BLNK: variants seen among roughly 807,000 people sequenced by gnomAD.
The protein encoded by BLNK is B-cell linker protein.
Under a neutral mutation model 73.5 loss-of-function variants are expected in BLNK, and 29 were observed. The observed-to-expected ratio is 0.39, with a 90% CI of 0.29 to 0.54. The LOEUF (loss-of-function observed/expected upper bound fraction) is 0.54. BLNK is among the 20% of genes least tolerant of loss of function. BLNK has a pLI of 0.61. For missense variants in BLNK, 460 were observed against 562.8 expected, an observed-to-expected ratio of 0.82 and a Z score of 1.85; for synonymous variants, 176 against 200.8, an observed-to-expected ratio of 0.88 and a Z score of 1.04.
At chr10:96,217,147 C>T (rs1554900076) in intron 6 of BLNK, among the ~76,000 whole-genome samples, 1 of 152,136 alleles carries the variant, frequency 6.6e-6, no homozygotes, top group Admixed American at 6.5e-5. Context: ...TGTATCACAA[C>T]TCCCGTCTTT....
intron 13 of BLNK, among the ~76,000 whole-genome samples, chr10:96,203,311 G>A (rs2083700576): frequency 6.6e-6 from 1 of 151,738 alleles, no homozygotes; most frequent in Non-Finnish European, 1.5e-5. Flanking sequence ...ACTAGTAAAA[G>A]TTTCATTTAT....
intron 1 of BLNK, among the ~76,000 whole-genome samples, chr10:96,253,970 G>A (rs979024318): frequency 4.6e-5 from 7 of 151,218 alleles, no homozygotes; most frequent in African/African-American, 7.3e-5. Context: ...GCAGTGAGCC[G>A]AGATCGTGCC....
chr10:96,245,338 G>A (rs1554907370), intron 2 of BLNK, among the ~76,000 whole-genome samples: 1 of 152,120 alleles, frequency 6.6e-6, no homozygotes, highest in Non-Finnish European at 1.5e-5. Flanking sequence ...GAAAAATTTG[G>A]TAATAGCAAT....
intron 1 of BLNK, among the ~76,000 whole-genome samples, chr10:96,258,065 T>G (rs559289167): frequency 1.3e-5 from 2 of 152,238 alleles, no homozygotes; most frequent in African/African-American, 2.4e-5. Flanking sequence ...CTTCTCCCCC[T>G]CCACTCTTTC....
chr10:96,246,974 G>A lies in BLNK; in HGVS notation c.113+10C>T, dbSNP rs782600961. The A allele has an allele frequency of 1.0e-5, 16 of 1,575,410 alleles. No homozygotes were observed. The Middle Eastern group carries it at 5.3e-4, about 52-fold the overall frequency. ...TATATAATTAAGTATTTAAATAGAG[G>A]CGAACTTACTTTTTGATTTTATTCA... is the stretch of plus-strand genomic sequence containing the variant. On this transcript the variant is annotated intron_variant, in intron 2 of 16. Coordinates refer to ENST00000224337, the MANE Select transcript of BLNK (RefSeq NM_013314.4).
In BLNK at chr10:96,227,339, C is replaced by T. The variant is rs11188669; in HGVS notation, c.361+71G>A. ...GCAGCAGCCAGGTTTGTCCCCACCCCGCAATCTTGGACACCCCCACCTCCC... is the reference window on the plus strand; with the variant it reads ...GCAGCAGCCAGGTTTGTCCCCACCCTGCAATCTTGGACACCCCCACCTCCC... On this transcript the variant is annotated intron_variant, in intron 5 of 16. Coordinates refer to ENST00000224337, the MANE Select transcript of BLNK (RefSeq NM_013314.4). 886,402 of 1,579,224 alleles carry T rather than the reference C, an allele frequency of 0.56. 252,140 individuals carry two copies. Among genetic ancestry groups the T allele is most frequent in the East Asian group, 0.78 (34,619 of 44,296 alleles).
At chr10:96,246,422 C>G (rs908015965) in intron 2 of BLNK, among the ~76,000 whole-genome samples, 4 of 152,192 alleles carry the variant, frequency 2.6e-5, no homozygotes, top group Non-Finnish European at 5.9e-5. Context: ...TATGCTGGCA[C>G]GTGCCTGTAA....
At chr10:96,230,861 G>T (rs1591334532) in intron 3 of BLNK, 27 bp from the exon 4 acceptor site, 1 of 1,608,634 alleles carries the variant, frequency 6.2e-7, no homozygotes, top group Non-Finnish European at 8.5e-7. Flanking sequence ...GAAGCAGAAG[G>T]CACAAGTGTG....
intron 3 of BLNK, among the ~76,000 whole-genome samples, chr10:96,235,919 C>T (rs1222047601): frequency 6.6e-6 from 1 of 151,800 alleles, no homozygotes; most frequent in African/African-American, 2.4e-5. Context: ...AGTGGGGGCT[C>T]CAGCCATAGT....
At chr10:96,226,804 C>A (rs943459445) in intron 5 of BLNK, among the ~76,000 whole-genome samples, 99 of 152,036 alleles carry the variant, frequency 6.5e-4, no homozygotes, top group African/African-American at 1.9e-3. Flanking sequence ...CCACTGCACT[C>A]CAGCCTGGGT....
intron 16 of BLNK, among the ~76,000 whole-genome samples, chr10:96,195,958 G>A (rs1303454721): frequency 6.6e-6 from 1 of 152,214 alleles, no homozygotes; most frequent in Non-Finnish European, 1.5e-5. Context: ...CAGTTACTGT[G>A]CTCTGATTCT....
chr10:96,226,282 C>T (rs1842255782), intron 5 of BLNK, among the ~76,000 whole-genome samples: 1 of 152,210 alleles, frequency 6.6e-6, no homozygotes, highest in African/African-American at 2.4e-5. Context: ...CAGTGCTTAG[C>T]ATAGTTCTGG....
chr10:96,260,410 T>C (rs1843702664), intron 1 of BLNK, among the ~76,000 whole-genome samples: 1 of 152,228 alleles, frequency 6.6e-6, no homozygotes, highest in East Asian at 1.9e-4. Context: ...AATAGGTTTG[T>C]AAAACCAAGC....
chr10:96,242,649 GC>G, intron 3 of BLNK, 85 bp downstream of exon 3: 2 of 1,232,146 alleles, frequency 1.6e-6, no homozygotes, highest in Non-Finnish European at 2.4e-6. Flanking sequence ...AATGAGGATA[GC>G]GTATTTCCCT....
At chr10:96,213,856 T>C (rs1772645047) in intron 8 of BLNK, among the ~76,000 whole-genome samples, 1 of 152,202 alleles carries the variant, frequency 6.6e-6, no homozygotes, top group African/African-American at 2.4e-5. Flanking sequence ...TAGATTGGCA[T>C]GTTTGACCTT....
intron 6 of BLNK, among the ~76,000 whole-genome samples, chr10:96,220,199 AG>A (rs2084163403): frequency 6.6e-6 from 1 of 151,900 alleles, no homozygotes; most frequent in Non-Finnish European, 1.5e-5. Context: ...CTGTCTTGCA[AG>A]AGAGAGAGAG....
At chr10:96,259,570 C>G (rs1843656198) in intron 1 of BLNK, among the ~76,000 whole-genome samples, 1 of 151,220 alleles carries the variant, frequency 6.6e-6, no homozygotes. Context: ...GGCTGTGTTC[C>G]CTTACACACA....
rs201642415 is a variant in BLNK at position 96,201,061 on chromosome 10, G to A, written c.935-3C>T. The A allele has an allele frequency of 6.2e-6, 10 of 1,613,310 alleles. No homozygotes were observed. In the East Asian group the frequency reaches 2.2e-4, roughly 36 times the overall value. ...TGGGTTTCCCCCTTCTGTAAATCCT[G>A]AAAGGGATCAGAAAAGTCCTTCAAT... On this transcript the variant is annotated splice_polypyrimidine_tract_variant and splice_region_variant and intron_variant, in intron 13 of 16. Coordinates refer to ENST00000224337, the MANE Select transcript of BLNK (RefSeq NM_013314.4).
At chr10:96,195,589 T>A (rs1184163444) in intron 16 of BLNK, among the ~76,000 whole-genome samples, 1 of 152,212 alleles carries the variant, frequency 6.6e-6, no homozygotes, top group African/African-American at 2.4e-5. Flanking sequence ...ATTCCACTTG[T>A]ATGAGGTATC....
Sources: gnomAD v4.1 joint callset for allele counts (sites outside exome capture counted in the v4.1 genomes callset) on GRCh38, gnomAD v4.1.1 for gene constraint, MANE v1.5 for transcripts, NCBI Gene and HGNC (gene_info 2026-07-23, HGNC 2026-07-21) for gene names.